The following PRKN variants were observed in gnomAD, a reference collection of about 807,000 sequenced individuals.
PRKN encodes the protein E3 ubiquitin-protein ligase parkin.
Under a neutral mutation model 59.5 loss-of-function variants are expected in PRKN, and 56 were observed. The ratio of observed to expected loss-of-function variants is 0.94; its 90% CI spans 0.76 to 1.18. PRKN has a LOEUF of 1.18. PRKN is among the 50% of genes most tolerant of loss of function. The probability of loss-of-function intolerance (pLI) is 0.00; values close to 1 mark genes in which losing one functional copy is unlikely to be tolerated. For synonymous variants in PRKN, 250 were observed against 222.1 expected (o/e 1.13, Z -1.12); for missense variants, 657 against 596.4 (o/e 1.10, Z -1.06).
chr6:162,563,721 A>G (rs187102613), intron 1 of PRKN, among the ~76,000 whole-genome samples: 1 of 152,362 alleles, frequency 6.6e-6, no homozygotes, highest in Non-Finnish European at 1.5e-5. Context: ...GACCTTTCAG[A>G]CAGAGAATTC....
At chr6:161,723,676 C>A (rs1055571371) in intron 7 of PRKN, among the ~76,000 whole-genome samples, 2 of 152,144 alleles carry the variant, frequency 1.3e-5, no homozygotes, top group East Asian at 1.9e-4. Context: ...TCACTTTACA[C>A]CCAGGGCCAC....
intron 1 of PRKN, among the ~76,000 whole-genome samples, chr6:162,526,316 T>TAAA (rs34844863): frequency 6.3e-5 from 7 of 111,642 alleles, no homozygotes; most frequent in Non-Finnish European, 1.1e-4. Flanking sequence ...TCATTAGAAG[T>TAAA]AAAAAAAAAA....
In PRKN at chr6:162,352,540, T is replaced by C. The variant is rs369156838; in HGVS notation, c.172-89775A>G. 2.4e-4 allele frequency among the ~76,000 whole-genome samples: 36 copies of C among 152,292 alleles called. 1 individual carries two copies. The East Asian group carries it at 5.8e-3, about 25-fold the overall frequency. ...GCGCATCCTGGGGCCATCTTGATTATGAAAAACTCTAATATGGGAGGAGAG... is the reference window on the plus strand; with the variant it reads ...GCGCATCCTGGGGCCATCTTGATTACGAAAAACTCTAATATGGGAGGAGAG... On this transcript the variant is annotated intron_variant, in intron 2 of 11. Transcript: ENST00000366898.
At chr6:161,597,977 T>C (rs1391997193) in intron 7 of PRKN, among the ~76,000 whole-genome samples, 1 of 152,164 alleles carries the variant, frequency 6.6e-6, no homozygotes, top group Admixed American at 6.5e-5. Flanking sequence ...GGGGAGAAGG[T>C]CCTATGGTTT....
At chr6:162,624,743 A>C (rs920433179) in intron 1 of PRKN, among the ~76,000 whole-genome samples, 44 of 151,936 alleles carry the variant, frequency 2.9e-4, no homozygotes, top group African/African-American at 9.9e-4. Flanking sequence ...CTCCTCTTGA[A>C]CTCCTGGCCT....
chr6:162,127,902 A>G (rs376326778), intron 4 of PRKN, among the ~76,000 whole-genome samples: 1 of 152,182 alleles, frequency 6.6e-6, no homozygotes, highest in Non-Finnish European at 1.5e-5. Context: ...GACTCCAGCT[A>G]TGGCAGTATG....
chr6:162,133,723 C>T (rs926293268), intron 4 of PRKN, among the ~76,000 whole-genome samples: 4 of 152,090 alleles, frequency 2.6e-5, no homozygotes, highest in African/African-American at 4.8e-5. Context: ...GAGGAAGAGT[C>T]GTCAGGGCAG....
intron 2 of PRKN, among the ~76,000 whole-genome samples, chr6:162,278,018 C>T (rs1208354010): frequency 6.6e-6 from 1 of 152,146 alleles, no homozygotes; most frequent in Non-Finnish European, 1.5e-5. Context: ...TTCAATGCAA[C>T]CAACATGTTC....
intron 1 of PRKN, among the ~76,000 whole-genome samples, chr6:162,565,367 G>A (rs1334707478): frequency 6.6e-6 from 1 of 152,110 alleles, no homozygotes; most frequent in Non-Finnish European, 1.5e-5. Flanking sequence ...TAACAAAATG[G>A]AGGAGTAAGT....
intron 9 of PRKN, among the ~76,000 whole-genome samples, chr6:161,418,508 C>A (rs1179953130): frequency 4.6e-5 from 7 of 152,154 alleles, no homozygotes; most frequent in Non-Finnish European, 5.9e-5. Context: ...TGTATTATTT[C>A]TGGGATTATA....
chr6:162,381,624 A>G (rs1786487692), intron 2 of PRKN, among the ~76,000 whole-genome samples: 1 of 152,184 alleles, frequency 6.6e-6, no homozygotes, highest in South Asian at 2.1e-4. Context: ...AATACTCTCA[A>G]AAGATGAGAC....
chr6:162,348,778 G>A (rs1325436982), intron 2 of PRKN, among the ~76,000 whole-genome samples: 1 of 151,866 alleles, frequency 6.6e-6, no homozygotes, highest in Non-Finnish European at 1.5e-5. Context: ...ACCCAATACT[G>A]AAGTAAAAAG....
chr6:161,559,535 C>CCT (rs1471046736), intron 8 of PRKN, among the ~76,000 whole-genome samples: 1 of 152,232 alleles, frequency 6.6e-6, no homozygotes, highest in Non-Finnish European at 1.5e-5. Flanking sequence ...ATGAGCGTTG[C>CCT]CTCTGCCTTC....
At chr6:161,855,003 A>C (rs1387079450) in intron 6 of PRKN, among the ~76,000 whole-genome samples, 2 of 151,344 alleles carry the variant, frequency 1.3e-5, no homozygotes, top group Non-Finnish European at 2.9e-5. Context: ...GAATTCCTTG[A>C]ACCCAGGAGG....
chr6:162,565,241 CAAAAAA>C (rs1173257186), intron 1 of PRKN, among the ~76,000 whole-genome samples: 1 of 150,584 alleles, frequency 6.6e-6, no homozygotes, highest in African/African-American at 2.4e-5. Flanking sequence ...AGTGGAGACA[CAAAAAA>C]GAAAAAGCAA....
chr6:162,320,511 A>G (rs1782972230), intron 2 of PRKN, among the ~76,000 whole-genome samples: 4 of 151,340 alleles, frequency 2.6e-5, no homozygotes, highest in African/African-American at 9.7e-5. Flanking sequence ...CATGTGCAAC[A>G]TCATTAACCA....
chr6:161,534,404 C>T (rs77051004), intron 9 of PRKN, among the ~76,000 whole-genome samples: 19 of 152,190 alleles, frequency 1.2e-4, no homozygotes, highest in Non-Finnish European at 2.5e-4. Flanking sequence ...TGAATGCAGG[C>T]ATCGTTGCTG....
intron 1 of PRKN, among the ~76,000 whole-genome samples, chr6:162,609,639 C>T (rs748182160): frequency 9.9e-5 from 15 of 152,166 alleles, no homozygotes; most frequent in Admixed American, 5.9e-4. Context: ...AGCTTCAACA[C>T]AAACTTTGGA....
chr6:162,539,699 T>A (rs1424944971), intron 1 of PRKN, among the ~76,000 whole-genome samples: 2 of 152,094 alleles, frequency 1.3e-5, no homozygotes, highest in Non-Finnish European at 2.9e-5. Context: ...CAGAAGAAAA[T>A]CCCTATTCAC....
Sources: gnomAD v4.1 joint callset for allele counts (sites outside exome capture counted in the v4.1 genomes callset) on GRCh38, gnomAD v4.1.1 for gene constraint, MANE v1.5 for transcripts, NCBI Gene and HGNC (gene_info 2026-07-23, HGNC 2026-07-21) for gene names.